The following AOC1 variants were observed in gnomAD, a reference collection of about 807,000 sequenced individuals.
The protein encoded by AOC1 is diamine oxidase [copper-containing].
In AOC1, 58 loss-of-function variants were observed where a neutral mutation model predicts 57.1. That is an observed-to-expected ratio of 1.02 (90% CI 0.82 to 1.26). The LOEUF (loss-of-function observed/expected upper bound fraction) is 1.26, where lower values mean the gene tolerates loss of function less well. Among genes scored for constraint, AOC1 ranks in the 50% most tolerant of loss-of-function variants. AOC1 has a pLI of 0.00. For synonymous variants in AOC1, 401 were observed against 423.4 expected, an observed-to-expected ratio of 0.95 and a Z score of 0.65; for missense variants, 917 against 1,005.3, an observed-to-expected ratio of 0.91 and a Z score of 1.19.
Position 150,856,754 on chromosome 7 carries a change from G to A in AOC1, c.284G>A (p.Arg95Gln), listed in dbSNP as rs572549369. Residue 95 changes from arginine (R) to glutamine (Q), a missense_variant, in exon 2 of 5, where the codon CGG becomes CAG. Arg to Gln is a conservative substitution (Grantham distance 43). Coordinates refer to ENST00000360937, the MANE Select transcript of AOC1 (RefSeq NM_001091.4). This position sits in a 1 kb window ranked among gnomAD's most constrained non-coding sequence, Gnocchi z 5.2. ...GATAAAGGTGAAAGGCATCCTGTGC[G>A]GGAAGCCCGTGCCGTCATCTTCTTT... ...FLDKGERHPVREARAVIFFGD... is the reference protein window; with the variant it reads ...FLDKGERHPVQEARAVIFFGD... 5.1e-5 allele frequency: 82 copies of A among 1,614,140 alleles called. No individual in the cohort carries two copies. The South Asian group carries it at 5.2e-4, about 10-fold the overall frequency.
chr7:150,855,366 A>T (rs942841662), intron 1 of AOC1, among the ~76,000 whole-genome samples: 1 of 152,202 alleles, frequency 6.6e-6, no homozygotes, highest in African/African-American at 2.4e-5. Flanking sequence ...AGGCAAGAGT[A>T]ACAGTCTCCC....
intron 3 of AOC1, among the ~76,000 whole-genome samples, chr7:150,860,134 G>A (rs1021608975): frequency 4.0e-5 from 6 of 151,182 alleles, no homozygotes; most frequent in Non-Finnish European, 8.9e-5. Flanking sequence ...AGCCAAGATC[G>A]CATCACTGCA....
Position 150,861,307 on chromosome 7 carries a change from T to C in AOC1, c.*98T>C, listed in dbSNP as rs1799962840. The C allele has an allele frequency of 7.2e-7, 1 of 1,384,912 alleles. No individual in the cohort carries two copies. The highest frequency in any genetic ancestry group is 2.5e-5 in the East Asian group (1 of 40,188). 85.8% of individuals were successfully genotyped at this position (1,384,912 alleles called of 1,614,324 possible). ...AGAGCCTCGCTCTGTGTGCTGCTTC[T>C]TGCGGGGAGGCACAGGGCCATGTGT... is the stretch of plus-strand genomic sequence containing the variant. On this transcript the variant is annotated 3_prime_UTR_variant, in exon 5 of 5. Coordinates refer to ENST00000360937, the MANE Select transcript of AOC1 (RefSeq NM_001091.4). This position sits in a 1 kb window ranked among gnomAD's most constrained non-coding sequence, Gnocchi z 4.5.
chr7:150,858,762 G>A lies in AOC1; in HGVS notation c.1571-1G>A. 1 of 1,592,378 alleles carries A rather than the reference G, an allele frequency of 6.3e-7. No individual in the cohort carries two copies. The highest frequency in any genetic ancestry group is 8.6e-7 in the Non-Finnish European group (1 of 1,163,252). On this transcript the variant is annotated splice_acceptor_variant, in intron 2 of 4. Transcript: ENST00000360937. LOFTEE classifies it high-confidence loss of function. Reference sequence around the variant, plus strand: ...TTCTCCTTCTCCCTGCATACCTCCAGGCACCAAGAACAGCTTCCAGACACT... The same window carrying A: ...TTCTCCTTCTCCCTGCATACCTCCAAGCACCAAGAACAGCTTCCAGACACT...
chr7:150,857,269 C>T lies in AOC1; in HGVS notation c.799C>T (p.Leu267=), dbSNP rs779010385. ...GGACGTGGTGGTCCTGGAGGACCCG[C>T]TGCCTGGGGGCAAGGGGCATGACAG... ...EVDVVVLEDP[L]PGGKGHDSTE... Residue 267 remains leucine (L), a synonymous_variant, in exon 2 of 5, where the codon CTG becomes TTG. Coordinates refer to ENST00000360937, the MANE Select transcript of AOC1 (RefSeq NM_001091.4). This position sits in a 1 kb window ranked among gnomAD's most constrained non-coding sequence, Gnocchi z 6.6. 9.3e-6 allele frequency: 15 copies of T among 1,609,128 alleles called. No individual in the cohort carries two copies. The highest frequency in any genetic ancestry group is 1.3e-5 in the Non-Finnish European group (15 of 1,177,510).
chr7:150,854,704 G>C (rs1222178941), intron 1 of AOC1, among the ~76,000 whole-genome samples: 2 of 152,214 alleles, frequency 1.3e-5, no homozygotes, highest in African/African-American at 4.8e-5. Flanking sequence ...AATGTGATGT[G>C]TAAATGCATT....
Position 150,858,981 on chromosome 7 carries a change from A to T in AOC1, c.1789A>T (p.Ile597Phe), listed in dbSNP as rs1799881048. Residue 597 changes from isoleucine to phenylalanine, a missense_variant, in exon 3 of 5, where the codon ATC becomes TTC. Physicochemically the swap from Ile to Phe is conservative, Grantham distance 21 (BLOSUM62 0). Transcript: ENST00000360937. ...CCACAAGCGCACGTACCGCCTGCAGATCCACTCCATGGCCGACCAGGTGCT... is the reference window on the plus strand; with the variant it reads ...CCACAAGCGCACGTACCGCCTGCAGTTCCACTCCATGGCCGACCAGGTGCT... The part of the protein sequence containing the change: ...WGHKRTYRLQ[I>F]HSMADQVLPP... The T allele has an allele frequency of 2.5e-6, 4 of 1,605,012 alleles. No individual in the cohort carries two copies. Among genetic ancestry groups the T allele is most frequent in the Non-Finnish European group, 3.4e-6 (4 of 1,173,692 alleles).
At chr7:150,859,136 T>C in intron 3 of AOC1, 88 bp downstream of exon 3, 1 of 1,368,670 alleles carries the variant, frequency 7.3e-7, no homozygotes, top group South Asian at 1.5e-5. Flanking sequence ...GTCTATGGGG[T>C]TCCTAGTCTA....
Position 150,856,941 on chromosome 7 carries a change from A to G in AOC1, c.471A>G (p.Glu157=). 6.2e-7 allele frequency: 1 copy of G among 1,614,134 alleles called. No homozygotes were observed. The change falls in exon 2 of 5, where the codon GAA becomes GAG. Residue 157 remains glutamate (E), a synonymous_variant. Coordinates refer to ENST00000360937, the MANE Select transcript of AOC1 (RefSeq NM_001091.4). The surrounding 1 kb of genome is among the most constrained non-coding windows in gnomAD (Gnocchi z 5.2). ...CCCTCCTCTACCACACCCTGCAGGA[A>G]GCCACCAAGCCCCTGCATCAGTTCT... ...EYALLYHTLQ[E]ATKPLHQFFL...
In AOC1 at chr7:150,858,865, A is replaced by G. The variant is rs1217517308; in HGVS notation, c.1673A>G (p.Gln558Arg). 7 of 1,613,856 alleles carry G rather than the reference A, an allele frequency of 4.3e-6. No homozygotes were observed. Among genetic ancestry groups the G allele is most frequent in the Non-Finnish European group, 5.9e-6 (7 of 1,179,906 alleles). The change falls in exon 3 of 5, where the codon CAG (glutamine) becomes CGG (arginine). Residue 558 changes from glutamine (Q) to arginine (R), a missense_variant. Coordinates refer to ENST00000360937, the MANE Select transcript of AOC1 (RefSeq NM_001091.4). ...RVVQPTLEQT[Q>R]YSWERQAAFR... ...GTCCAGCCAACTCTGGAGCAGACGCAGTACTCCTGGGAGCGCCAGGCGGCC... is the reference window on the plus strand; with the variant it reads ...GTCCAGCCAACTCTGGAGCAGACGCGGTACTCCTGGGAGCGCCAGGCGGCC...
chr7:150,860,466 GCCCTGAGCC>G, intron 3 of AOC1, 26 bp from the exon 4 acceptor site: 1 of 1,613,124 alleles, frequency 6.2e-7, no homozygotes, highest in South Asian at 1.1e-5. Context: ...CCAGCCCAGG[GCCCTGAGCC>G]AAGCTGCTTC....
At position 150,857,592 on chromosome 7, in the gene AOC1, C is replaced by T. The variant is rs368633131; in HGVS notation, c.1122C>T (p.Val374=). 43 of 1,613,866 alleles carry T rather than the reference C, an allele frequency of 2.7e-5. No individual in the cohort carries two copies. The highest frequency in any genetic ancestry group is 3.1e-5 in the Non-Finnish European group (37 of 1,180,006). ...GCATGCAGACCAAGTACCTCGATGT[C>T]GGCTGGGGCCTGGGCAGCGTCACTC... ...PAGMQTKYLD[V]GWGLGSVTHE... The change falls in exon 2 of 5, where the codon GTC becomes GTT. Residue 374 remains valine (V), a synonymous_variant. Coordinates refer to ENST00000360937, the MANE Select transcript of AOC1 (RefSeq NM_001091.4). This position sits in a 1 kb window ranked among gnomAD's most constrained non-coding sequence, Gnocchi z 6.6.
chr7:150,859,987 T>C (rs1376575278), intron 3 of AOC1: 1 of 157,238 alleles, frequency 6.4e-6, no homozygotes, highest in East Asian at 1.8e-4. Context: ...GAGACCAGCC[T>C]GGCCAACACA....
Position 150,856,306 on chromosome 7 carries a change from G to A in AOC1, c.-16-149G>A, listed in dbSNP as rs1259968218. ...CCCGACGGCGCTGGGGACTATGCAT[G>A]GGGCCCCAGCTGCCCCAGGACAGCC... On this transcript the variant is annotated intron_variant, in intron 1 of 4. Coordinates refer to ENST00000360937, the MANE Select transcript of AOC1 (RefSeq NM_001091.4). The surrounding 1 kb of genome is among the most constrained non-coding windows in gnomAD (Gnocchi z 5.2). 9.8e-7 allele frequency: 1 copy of A among 1,025,530 alleles called. No homozygotes were observed. The highest frequency in any genetic ancestry group is 1.4e-6 in the Non-Finnish European group (1 of 725,062). 63.5% of individuals were successfully genotyped at this position (1,025,530 alleles called of 1,614,324 possible).
chr7:150,855,680 C>A (rs1255359635), intron 1 of AOC1, among the ~76,000 whole-genome samples: 1 of 152,194 alleles, frequency 6.6e-6, no homozygotes, highest in Non-Finnish European at 1.5e-5. Context: ...AGCCTAGTCA[C>A]ACCTGAATCA....
Position 150,856,310 on chromosome 7 carries a change from C to T in AOC1, c.-16-145C>T, listed in dbSNP as rs541869477. ...ACGGCGCTGGGGACTATGCATGGGG[C>T]CCCAGCTGCCCCAGGACAGCCTCCA... On this transcript the variant is annotated intron_variant, in intron 1 of 4. Coordinates refer to ENST00000360937, the MANE Select transcript of AOC1 (RefSeq NM_001091.4). The surrounding 1 kb of genome is among the most constrained non-coding windows in gnomAD (Gnocchi z 5.2). The T allele has an allele frequency of 6.7e-4, 708 of 1,064,610 alleles. 7 individuals carry two copies. The Middle Eastern group carries it at 0.012, about 18-fold the overall frequency. 65.9% of individuals were successfully genotyped at this position (1,064,610 alleles called of 1,614,324 possible).
Position 150,857,627 on chromosome 7 carries a change from C to A in AOC1, c.1157C>A (p.Ala386Asp), listed in dbSNP as rs1256552327. Residue 386 changes from alanine to aspartate, a missense_variant, in exon 2 of 5, where the codon GCC becomes GAC. By Grantham distance (126) the Ala-to-Asp change is moderately radical. Transcript: ENST00000360937. The surrounding 1 kb of genome is among the most constrained non-coding windows in gnomAD (Gnocchi z 6.6). The part of the protein sequence containing the change: ...WGLGSVTHEL[A>D]PGIDCPETAT... ...CTGGGCAGCGTCACTCATGAGTTAG[C>A]CCCCGGCATCGACTGCCCGGAGACC... The A allele has an allele frequency of 5.6e-6, 9 of 1,614,026 alleles. No homozygotes were observed. Among genetic ancestry groups the A allele is most frequent in the Non-Finnish European group, 7.6e-6 (9 of 1,180,000 alleles).
At chr7:150,855,379 A>G (rs1458147713) in intron 1 of AOC1, among the ~76,000 whole-genome samples, 2 of 152,194 alleles carry the variant, frequency 1.3e-5, no homozygotes, top group Non-Finnish European at 2.9e-5. Context: ...AGTCTCCCAG[A>G]GACTCCGCAC....
At position 150,857,362 on chromosome 7, in the gene AOC1, A is replaced by C; in HGVS notation, c.892A>C (p.Ser298Arg). The C allele has an allele frequency of 6.2e-7, 1 of 1,607,058 alleles. No homozygotes were observed. The highest frequency in any genetic ancestry group is 8.5e-7 in the Non-Finnish European group (1 of 1,175,776). ...RGDFPSPIHV[S>R]GPRLVQPHGP... is the part of the protein sequence containing the mutation. ...GGACTTCCCCAGCCCCATCCATGTG[A>C]GCGGCCCCCGCTTGGTCCAGCCCCA... Residue 298 changes from serine (S) to arginine (R), a missense_variant, in exon 2 of 5, where the codon AGC becomes CGC. Physicochemically the swap from Ser to Arg is moderately radical, Grantham distance 110. Transcript: ENST00000360937. This position sits in a 1 kb window ranked among gnomAD's most constrained non-coding sequence, Gnocchi z 6.6.
Sources: allele counts gnomAD v4.1 joint callset (sites outside exome capture counted in the v4.1 genomes callset), GRCh38; gene constraint gnomAD v4.1.1; non-coding constraint Gnocchi (gnomAD v3.1); transcripts MANE v1.5; gene names NCBI Gene and HGNC (gene_info 2026-07-23, HGNC 2026-07-21).